The following STS variants were observed in gnomAD, a reference collection of about 807,000 sequenced individuals.
The protein encoded by STS is steroid sulfatase.
In STS, 7 loss-of-function variants were observed where a neutral mutation model predicts 26.8. That is an observed-to-expected ratio of 0.26 (90% CI 0.15 to 0.49). The LOEUF (loss-of-function observed/expected upper bound fraction) is 0.49, where lower values mean the gene tolerates loss of function less well. Ranked by LOEUF, STS falls within the 20% of genes least tolerant of loss-of-function variation. The probability of loss-of-function intolerance (pLI) is 0.98; values close to 1 mark genes in which losing one functional copy is unlikely to be tolerated. For synonymous variants in STS, 199 were observed against 189.4 expected, an observed-to-expected ratio of 1.05 and a Z score of -0.42; for missense variants, 434 against 465.6, an observed-to-expected ratio of 0.93 and a Z score of 0.63.
At chrX:7,250,821 C>T (rs1410604648) in intron 2 of STS, among the ~76,000 whole-genome samples, 2 of 111,978 alleles carry the variant, frequency 1.8e-5, no homozygotes, top group African/African-American at 3.2e-5. Flanking sequence ...TATTTAATCT[C>T]ACCAAGACAG....
intron 2 of STS, among the ~76,000 whole-genome samples, chrX:7,239,905 G>A (rs764474196): frequency 5.6e-4 from 53 of 94,399 alleles, no homozygotes; most frequent in Non-Finnish European, 8.6e-4. Flanking sequence ...TTTTGAGACC[G>A]AGTGTCACTC....
chrX:7,249,215 A>T (rs1923026427), intron 2 of STS, among the ~76,000 whole-genome samples: 1 of 110,656 alleles, frequency 9.0e-6, no homozygotes, highest in South Asian at 3.9e-4. Context: ...AGGGAAGTCT[A>T]CCTAATTCTC....
rs1924700015 is a variant in STS, at chrX:7,279,297, A to ATG, written c.943+3211_943+3212insGT. ...CCAGGAAGAAAAAAAAAAAAAATAT[A>ATG]TATATATATATATATGTGTGTGTGT... is the stretch of plus-strand genomic sequence containing the variant. On this transcript the variant is annotated intron_variant, in intron 7 of 10. Transcript: ENST00000674429. Among the ~76,000 whole-genome samples, 2 of 71,528 alleles carry ATG rather than the reference A, an allele frequency of 2.8e-5. 1 individual carries two copies. Among genetic ancestry groups the ATG allele is most frequent in the African/African-American group, 1.1e-4 (2 of 18,389 alleles). 62.1% of individuals were successfully genotyped at this position (71,528 alleles called of 115,157 possible).
intron 8 of STS, among the ~76,000 whole-genome samples, chrX:7,311,964 C>T (rs1926500297): frequency 9.0e-6 from 1 of 111,707 alleles, no homozygotes; most frequent in Non-Finnish European, 1.9e-5. Context: ...GAAGTCGAGG[C>T]TGCAGTGAGC....
At chrX:7,279,252 C>T (rs761636560) in intron 7 of STS, among the ~76,000 whole-genome samples, 68 of 94,418 alleles carry the variant, frequency 7.2e-4, no homozygotes, top group African/African-American at 2.8e-3. Flanking sequence ...TGCAGTGAGC[C>T]GAGATCGCAC....
intron 8 of STS, among the ~76,000 whole-genome samples, chrX:7,307,578 A>G (rs952716859): frequency 8.9e-6 from 1 of 112,138 alleles, no homozygotes; most frequent in Non-Finnish European, 1.9e-5. Flanking sequence ...GAGATTATAC[A>G]TTGGTTTGAC....
intron 2 of STS, among the ~76,000 whole-genome samples, chrX:7,242,566 C>T (rs34652254): frequency 4.7e-4 from 52 of 109,495 alleles, no homozygotes; most frequent in Non-Finnish European, 7.6e-4. Flanking sequence ...CGCCACTGCA[C>T]TCCAGCCTGG....
At chrX:7,187,252 T>C (rs998162308) in intron 1 of STS, among the ~76,000 whole-genome samples, 3 of 112,404 alleles carry the variant, frequency 2.7e-5, no homozygotes, top group Non-Finnish European at 5.6e-5. Flanking sequence ...TTTTTCACCC[T>C]GGATTACCAT....
chrX:7,206,054 T>C (rs1404183200), intron 2 of STS, among the ~76,000 whole-genome samples: 1 of 111,988 alleles, frequency 8.9e-6, no homozygotes, highest in Admixed American at 9.4e-5. Context: ...TTTGTCTTGG[T>C]CCTCTGTATC....
intron 1 of STS, among the ~76,000 whole-genome samples, chrX:7,169,088 T>C (rs1439059216): frequency 9.0e-6 from 1 of 111,428 alleles, no homozygotes; most frequent in Non-Finnish European, 1.9e-5. Flanking sequence ...CTACAACATT[T>C]TCATCACCAC....
chrX:7,253,479 C>T, intron 3 of STS, 143 bp downstream of exon 3: 5 of 835,554 alleles, frequency 6.0e-6, no homozygotes, highest in Non-Finnish European at 8.8e-6. Flanking sequence ...TGTAGATACA[C>T]TGAGATGTAG....
chrX:7,230,737 C>T (rs754235599), intron 2 of STS, among the ~76,000 whole-genome samples: 1 of 111,218 alleles, frequency 9.0e-6, no homozygotes, highest in East Asian at 2.8e-4. Context: ...CTCACTATCA[C>T]AAGAACAGCA....
At position 7,147,817 on chromosome X, in the gene STS, G is replaced by A. The variant is rs1317689062; in HGVS notation, c.-400G>A. 3 of 127,628 alleles carry A rather than the reference G, an allele frequency of 2.4e-5. No individual in the cohort carries two copies. Among genetic ancestry groups the A allele is most frequent in the Admixed American group, 9.1e-5 (1 of 11,037 alleles). The allele number at this position is 127,628 out of a possible 1,213,427, so 10.5% of individuals were successfully genotyped here. A position where few individuals can be genotyped will look rare whatever the true frequency, so the allele number is the denominator to read the frequency against. On this transcript the variant is annotated 5_prime_UTR_variant, in exon 1 of 11. Transcript: ENST00000674429. ...GGGCCGCCGACCGGAAGCGGGTGCT[G>A]GGGCCGCGTAGACGCCGCGGCCACG...
At chrX:7,325,590 G>C in intron 9 of STS, 92 bp downstream of exon 9, 2 of 1,044,133 alleles carry the variant, frequency 1.9e-6, no homozygotes, top group South Asian at 1.9e-5. Context: ...TGGGGACCAA[G>C]GCCTTTGGCC....
At chrX:7,193,132 G>A (rs757561414) in intron 2 of STS, among the ~76,000 whole-genome samples, 3 of 112,355 alleles carry the variant, frequency 2.7e-5, no homozygotes, top group East Asian at 5.6e-4. Context: ...AGCAACATCC[G>A]TGGAGGCTTA....
At chrX:7,316,203 A>G (rs1209839355) in intron 8 of STS, among the ~76,000 whole-genome samples, 1 of 111,916 alleles carries the variant, frequency 8.9e-6, no homozygotes, top group African/African-American at 3.3e-5. Flanking sequence ...CAATTAAGTG[A>G]CAAGAAAAAT....
intron 7 of STS, among the ~76,000 whole-genome samples, chrX:7,284,506 A>C (rs1441164849): frequency 8.9e-6 from 1 of 112,626 alleles, no homozygotes; most frequent in East Asian, 2.8e-4. Context: ...ACGTGGAAGC[A>C]TTTTGTCTTA....
At chrX:7,247,368 A>T (rs1354194297) in intron 2 of STS, among the ~76,000 whole-genome samples, 1 of 111,714 alleles carries the variant, frequency 9.0e-6, no homozygotes, top group African/African-American at 3.3e-5. Context: ...TATGATTAGT[A>T]GTGTCATGTG....
intron 2 of STS, among the ~76,000 whole-genome samples, chrX:7,200,160 A>T (rs1410446931): frequency 9.2e-6 from 1 of 108,714 alleles, no homozygotes; most frequent in African/African-American, 3.3e-5. Context: ...TTTAATTCCT[A>T]GTTTTCTTCT....
Sources: allele counts gnomAD v4.1 joint callset (sites outside exome capture counted in the v4.1 genomes callset), GRCh38; gene constraint gnomAD v4.1.1; transcripts MANE v1.5; gene names NCBI Gene and HGNC (gene_info 2026-07-23, HGNC 2026-07-21).